SLC5A4: variants seen among roughly 807,000 people sequenced by gnomAD.
SLC5A4 encodes the protein solute carrier family 5 member 4.
A neutral mutation model predicts 70.3 loss-of-function variants in SLC5A4; 55 were observed. That is an observed-to-expected ratio of 0.78 (90% CI 0.63 to 0.98). The LOEUF (loss-of-function observed/expected upper bound fraction) is 0.98. SLC5A4 is among the 50% of genes least tolerant of loss of function. SLC5A4 has a pLI of 0.00. For missense variants in SLC5A4, 735 were observed against 839.2 expected, an observed-to-expected ratio of 0.88 and a Z score of 1.53; for synonymous variants, 268 against 305.7, an observed-to-expected ratio of 0.88 and a Z score of 1.29.
At chr22:32,287,662 T>C in the SLC5A4 span, among the ~76,000 whole-genome samples, 1 of 150,774 alleles carries the variant, frequency 6.6e-6, no homozygotes. Flanking sequence ...TTTCTTTTTT[T>C]TTCTTTAGAG....
At chr22:32,347,858 TAATAA>T in the SLC5A4 span, among the ~76,000 whole-genome samples, 1 of 151,016 alleles carries the variant, frequency 6.6e-6, no homozygotes, top group South Asian at 2.1e-4. Context: ...AGTATAATAA[TAATAA>T]AATTAAAAAA....
At chr22:32,248,864 C>G (rs971851091) in intron 3 of SLC5A4, 62 bp from the exon 4 acceptor site, 11 of 1,037,624 alleles carry the variant, frequency 1.1e-5, no homozygotes, top group Non-Finnish European at 1.7e-5. Flanking sequence ...TGGACCTTCT[C>G]CTTCTATGAC....
chr22:32,256,844 T>C (rs1177861702), upstream of SLC5A4, among the ~76,000 whole-genome samples: 1 of 152,242 alleles, frequency 6.6e-6, no homozygotes, highest in Non-Finnish European at 1.5e-5. Context: ...GTTCTTTCTA[T>C]ACTTGGCTAT....
the SLC5A4 span, among the ~76,000 whole-genome samples, chr22:32,280,456 G>C: frequency 0.27 from 40,637 of 151,936 alleles, 5,445 homozygotes; most frequent in South Asian, 0.3. Context: ...CTGTCACCCA[G>C]CTCTCAACTT....
chr22:32,226,671 G>A lies in SLC5A4; in HGVS notation c.1281-848C>T, dbSNP rs367907783. Among the ~76,000 whole-genome samples the A allele has an allele frequency of 5.9e-5, 9 of 152,224 alleles. No individual in the cohort carries two copies. In the South Asian group the frequency reaches 1.7e-3, roughly 28 times the overall value. On this transcript the variant is annotated intron_variant, in intron 11 of 14. Transcript: ENST00000266086. ...AAGGATTCAATAAATTACACTTACTGTTGGTATTTTTTTTTAATTACCATT... is the reference window on the plus strand; with the variant it reads ...AAGGATTCAATAAATTACACTTACTATTGGTATTTTTTTTTAATTACCATT...
chr22:32,345,911 A>G, the SLC5A4 span, among the ~76,000 whole-genome samples: 1 of 152,234 alleles, frequency 6.6e-6, no homozygotes, highest in South Asian at 2.1e-4. Flanking sequence ...AATCACAATC[A>G]TCTGTGAAAA....
chr22:32,245,104 C>T (rs945774443), intron 5 of SLC5A4, among the ~76,000 whole-genome samples: 1 of 152,076 alleles, frequency 6.6e-6, no homozygotes, highest in Non-Finnish European at 1.5e-5. Flanking sequence ...AACCAGTGAA[C>T]AAGATGATCT....
intron 5 of SLC5A4, among the ~76,000 whole-genome samples, chr22:32,244,932 A>G (rs1398826756): frequency 1.3e-5 from 2 of 152,246 alleles, no homozygotes; most frequent in East Asian, 3.8e-4. Flanking sequence ...TACACTAACA[A>G]TGACTGTAAA....
At chr22:32,258,354 C>T (rs1927592342), upstream of SLC5A4, among the ~76,000 whole-genome samples, 1 of 151,968 alleles carries the variant, frequency 6.6e-6, no homozygotes, top group South Asian at 2.1e-4. Flanking sequence ...ATGGTTGATT[C>T]CAAAATATAA....
At chr22:32,352,478 A>G in the SLC5A4 span, among the ~76,000 whole-genome samples, 1 of 151,932 alleles carries the variant, frequency 6.6e-6, no homozygotes, top group Non-Finnish European at 1.5e-5. Flanking sequence ...GTTACCCCCC[A>G]AACTTCTGTT....
At chr22:32,307,243 G>A in the SLC5A4 span, among the ~76,000 whole-genome samples, 2 of 150,926 alleles carry the variant, frequency 1.3e-5, no homozygotes, top group Non-Finnish European at 3.0e-5. Context: ...TGTGAAGATA[G>A]GAGTTTTAGG....
At chr22:32,340,897 C>CCA in the SLC5A4 span, among the ~76,000 whole-genome samples, 6 of 152,248 alleles carry the variant, frequency 3.9e-5, no homozygotes, top group African/African-American at 1.4e-4. Context: ...CACAGGCTGG[C>CCA]ATCAGGGAGA....
At chr22:32,269,747 C>T in the SLC5A4 span, 5 of 641,946 alleles carry the variant, frequency 7.8e-6, no homozygotes, top group Non-Finnish European at 1.5e-5. The surrounding 1 kb of genome is among the most constrained non-coding windows in gnomAD (Gnocchi z 4.1). Flanking sequence ...TCCCGCTGTG[C>T]ACCCAGCTGG....
At chr22:32,287,460 T>TTAAAAA in the SLC5A4 span, among the ~76,000 whole-genome samples, 4 of 151,814 alleles carry the variant, frequency 2.6e-5, no homozygotes, top group African/African-American at 9.7e-5. Context: ...TTCTCTCCGT[T>TTAAAAA]TAAAAGTGTT....
At chr22:32,315,411 T>G in the SLC5A4 span, among the ~76,000 whole-genome samples, 1 of 151,970 alleles carries the variant, frequency 6.6e-6, no homozygotes, top group African/African-American at 2.4e-5. Flanking sequence ...CTAAGTAAAA[T>G]TAGAGGCATC....
chr22:32,293,810 T>C, the SLC5A4 span, among the ~76,000 whole-genome samples: 2 of 152,170 alleles, frequency 1.3e-5, no homozygotes, highest in Admixed American at 6.5e-5. Context: ...TTATTAGTTA[T>C]ATATTTTAAA....
chr22:32,252,861 G>A (rs1358530467), intron 2 of SLC5A4, among the ~76,000 whole-genome samples: 1 of 152,154 alleles, frequency 6.6e-6, no homozygotes, highest in East Asian at 1.9e-4. Context: ...ACCAAGAGAG[G>A]TCTCTTGAGT....
At chr22:32,246,129 T>C (rs1300565409) in intron 5 of SLC5A4, among the ~76,000 whole-genome samples, 1 of 152,256 alleles carries the variant, frequency 6.6e-6, no homozygotes, top group Admixed American at 6.5e-5. Flanking sequence ...TATTGTCATA[T>C]GGGACTAATT....
chr22:32,340,618 G>A, the SLC5A4 span, among the ~76,000 whole-genome samples: 24 of 152,286 alleles, frequency 1.6e-4, no homozygotes, highest in Non-Finnish European at 2.9e-4. Flanking sequence ...CCCTTTGATC[G>A]GGTGACCCTG....
Sources: gnomAD v4.1 joint callset for allele counts (sites outside exome capture counted in the v4.1 genomes callset) on GRCh38, gnomAD v4.1.1 for gene constraint, Gnocchi (gnomAD v3.1) non-coding constraint, MANE v1.5 for transcripts, NCBI Gene and HGNC (gene_info 2026-07-23, HGNC 2026-07-21) for gene names.